Variants in CTPS2 observed in about 807,000 individuals in gnomAD.
CTPS2 encodes CTP synthase 2.
In CTPS2, 19 loss-of-function variants were observed where a neutral mutation model predicts 46.8. That is an observed-to-expected ratio of 0.41 (90% confidence interval 0.28 to 0.60). The LOEUF is 0.60. Among genes scored for constraint, CTPS2 ranks in the 20% least tolerant of loss-of-function variants. The pLI is 0.35. For synonymous variants in CTPS2, 151 were observed against 165.2 expected (o/e 0.91, Z 0.66); for missense variants, 286 against 447.6 (o/e 0.64, Z 3.26).
chrX:16,642,090 T>A (rs1047061459), intron 13 of CTPS2, among the ~76,000 whole-genome samples: 1 of 112,202 alleles, frequency 8.9e-6, no homozygotes, highest in Non-Finnish European at 1.9e-5. Flanking sequence ...TTTTTAAACT[T>A]TGCACATCGT....
At chrX:16,650,362 A>T (rs1932544228) in intron 13 of CTPS2, among the ~76,000 whole-genome samples, 1 of 111,182 alleles carries the variant, frequency 9.0e-6, no homozygotes, top group African/African-American at 3.3e-5. Flanking sequence ...GTGGTCAAGT[A>T]TTCTTCAAGA....
Position 16,670,499 on chromosome X carries a change from T to C in CTPS2, c.1189+81A>G, listed in dbSNP as rs1921655321. The C allele has an allele frequency of 7.0e-6, 5 of 715,307 alleles. No homozygotes were observed. The East Asian group carries it at 1.0e-4, about 14-fold the overall frequency. The allele number at this position is 715,307 out of a possible 1,213,427, so 58.9% of individuals were successfully genotyped here. On this transcript the variant is annotated intron_variant, in intron 11 of 18. Coordinates refer to ENST00000359276, the MANE Select transcript of CTPS2 (RefSeq NM_175859.3). ...CAAATCCGAGTTCACACCTTTACGATAACAAACCTTTAGTGTTACCCCTCC... is the reference window on the plus strand; with the variant it reads ...CAAATCCGAGTTCACACCTTTACGACAACAAACCTTTAGTGTTACCCCTCC...
At chrX:16,591,527 A>G (rs1928899346) in intron 17 of CTPS2, among the ~76,000 whole-genome samples, 1 of 111,477 alleles carries the variant, frequency 9.0e-6, no homozygotes, top group South Asian at 3.8e-4. Flanking sequence ...AAAATATGGC[A>G]TCTTGGCATA....
rs768435900 is a variant in CTPS2 at position 16,707,986 on chromosome X, A to C, written c.-40+4349T>G. Reference sequence around the variant, plus strand: ...AATAGGGTGAGACTCGGTACCAAAAAAGAAAAAATAAAAAGAGAGAGAGAG... The same window carrying C: ...AATAGGGTGAGACTCGGTACCAAAACAGAAAAAATAAAAAGAGAGAGAGAG... On this transcript the variant is annotated intron_variant, in intron 1 of 18. Coordinates refer to ENST00000359276, the MANE Select transcript of CTPS2 (RefSeq NM_175859.3). Among the ~76,000 whole-genome samples, 7 of 109,956 alleles carry C rather than the reference A, an allele frequency of 6.4e-5. No homozygotes were observed. In the South Asian group the frequency reaches 2.6e-3, roughly 41 times the overall value.
chrX:16,657,633 T>G (rs749366281), intron 13 of CTPS2, among the ~76,000 whole-genome samples: 1 of 111,835 alleles, frequency 8.9e-6, no homozygotes, highest in African/African-American at 3.2e-5. Flanking sequence ...CTTGGACATT[T>G]TGATTTCTGA....
chrX:16,698,150 G>A (rs1874977917), intron 4 of CTPS2, 86 bp downstream of exon 4: 9 of 684,044 alleles, frequency 1.3e-5, no homozygotes, highest in South Asian at 4.6e-5. Flanking sequence ...TCAGGAGGGC[G>A]TGTGTAAGTA....
intron 8 of CTPS2, among the ~76,000 whole-genome samples, chrX:16,685,210 C>G (rs895552891): frequency 3.6e-5 from 4 of 111,991 alleles, no homozygotes; most frequent in Non-Finnish European, 7.5e-5. Flanking sequence ...GGCTTCACCC[C>G]CTTCTCCCTC....
intron 14 of CTPS2, 91 bp downstream of exon 14, chrX:16,639,055 AG>A (rs1453413836): frequency 1.1e-5 from 7 of 661,427 alleles, no homozygotes; most frequent in African/African-American, 2.1e-5. Context: ...TGGAAGGGGC[AG>A]GGGGAGTCTC....
At chrX:16,698,658 C>A (rs1407577174) in intron 3 of CTPS2, among the ~76,000 whole-genome samples, 1 of 110,687 alleles carries the variant, frequency 9.0e-6, no homozygotes. Context: ...TCGAGCAATT[C>A]TCCTGCCTCA....
At chrX:16,684,170 G>T (rs1229781371) in intron 8 of CTPS2, among the ~76,000 whole-genome samples, 1 of 111,224 alleles carries the variant, frequency 9.0e-6, no homozygotes, top group East Asian at 2.8e-4. Flanking sequence ...AAACACCTTA[G>T]AAAAATGTTA....
At chrX:16,660,262 C>A (rs1397032805) in intron 13 of CTPS2, among the ~76,000 whole-genome samples, 3 of 109,933 alleles carry the variant, frequency 2.7e-5, no homozygotes, top group Non-Finnish European at 5.7e-5. Context: ...GTCACCCAGG[C>A]TGGAGTGGAG....
chrX:16,695,672 C>G (rs1924071681), intron 4 of CTPS2, among the ~76,000 whole-genome samples: 1 of 110,474 alleles, frequency 9.1e-6, no homozygotes, highest in African/African-American at 3.3e-5. Flanking sequence ...CTGCCTCAGC[C>G]TCCTGAGTAG....
At chrX:16,672,881 CTTTTTTT>C (rs1185799196) in intron 10 of CTPS2, among the ~76,000 whole-genome samples, 1 of 69,576 alleles carries the variant, frequency 1.4e-5, no homozygotes, top group Non-Finnish European at 2.5e-5. Context: ...TGAGGCTACT[CTTTTTTT>C]TTTTTTTTTT....
At chrX:16,647,649 A>G (rs2147256745) in intron 13 of CTPS2, among the ~76,000 whole-genome samples, 1 of 111,347 alleles carries the variant, frequency 9.0e-6, no homozygotes, top group African/African-American at 3.3e-5. Flanking sequence ...ATACTGCTCC[A>G]AAAGTTTTTC....
intron 13 of CTPS2, among the ~76,000 whole-genome samples, chrX:16,653,976 T>C (rs1486142227): frequency 9.0e-6 from 1 of 111,204 alleles, no homozygotes; most frequent in Non-Finnish European, 1.9e-5. Context: ...TCATGTAATA[T>C]GTCAGCCCTA....
In CTPS2 at chrX:16,648,466, A is replaced by G. The variant is rs1230915798; in HGVS notation, c.1297-9223T>C. Among the ~76,000 whole-genome samples, 4 of 112,276 alleles carry G rather than the reference A, an allele frequency of 3.6e-5. No homozygotes were observed. The East Asian group carries it at 1.1e-3, about 31-fold the overall frequency. On this transcript the variant is annotated intron_variant, in intron 13 of 18. Transcript: ENST00000359276. ...CACTATTCTTGCCACTTTTCTGTAGATCTGAAATATTTTTTAAAAGATGTT... is the reference window on the plus strand; with the variant it reads ...CACTATTCTTGCCACTTTTCTGTAGGTCTGAAATATTTTTTAAAAGATGTT...
At chrX:16,600,262 T>C (rs998839937) in intron 17 of CTPS2, among the ~76,000 whole-genome samples, 1 of 112,161 alleles carries the variant, frequency 8.9e-6, no homozygotes, top group Non-Finnish European at 1.9e-5. Context: ...TTCTTCTCCA[T>C]TAACAGAAAG....
At chrX:16,629,479 CG>C (rs1180172119) in intron 14 of CTPS2, among the ~76,000 whole-genome samples, 2 of 110,410 alleles carry the variant, frequency 1.8e-5, no homozygotes, top group Non-Finnish European at 3.8e-5. Context: ...CCCTAAATCC[CG>C]GGCGACCTCT....
intron 13 of CTPS2, among the ~76,000 whole-genome samples, chrX:16,654,048 T>C (rs1932763960): frequency 8.9e-6 from 1 of 112,007 alleles, no homozygotes. Context: ...TCCTCAACTG[T>C]TTGTGTGCCG....
Sources: gnomAD v4.1 joint callset for allele counts (sites outside exome capture counted in the v4.1 genomes callset) on GRCh38, gnomAD v4.1.1 for gene constraint, MANE v1.5 for transcripts, NCBI Gene and HGNC (gene_info 2026-07-23, HGNC 2026-07-21) for gene names.